FSTL4: variants seen among roughly 807,000 people sequenced by gnomAD.
The protein encoded by FSTL4 is follistatin-related protein 4.
A neutral mutation model predicts 78.2 loss-of-function variants in FSTL4; 28 were observed. The ratio of observed to expected loss-of-function variants is 0.36; its 90% confidence interval spans 0.27 to 0.49. The LOEUF (loss-of-function observed/expected upper bound fraction) is 0.49, where lower values mean the gene tolerates loss of function less well. Ranked by LOEUF, FSTL4 falls within the 20% of genes least tolerant of loss-of-function variation. The pLI is 0.98. For synonymous variants in FSTL4, 422 were observed against 440.5 expected (o/e 0.96, Z 0.53); for missense variants, 922 against 1,084.9 (o/e 0.85, Z 2.11).
Position 133,338,117 on chromosome 5 carries a change from C to T in FSTL4, c.410-21465G>A, listed in dbSNP as rs1754503854. Among the ~76,000 whole-genome samples, 1 of 152,124 alleles carries T rather than the reference C, an allele frequency of 6.6e-6. No individual in the cohort carries two copies. Among genetic ancestry groups the T allele is most frequent in the African/African-American group, 2.4e-5 (1 of 41,414 alleles). On this transcript the variant is annotated intron_variant, in intron 4 of 15. Coordinates refer to ENST00000265342, the MANE Select transcript of FSTL4 (RefSeq NM_015082.2). This position sits in a 1 kb window ranked among gnomAD's most constrained non-coding sequence, Gnocchi z 4.0. ...GGTCCCTGGTGTGCACATAGGTCTC[C>T]CAGGTCACCCATGGGGAGATGTCTG...
the FSTL4 span, among the ~76,000 whole-genome samples, chr5:133,799,696 C>T: frequency 3.6e-5 from 5 of 139,308 alleles, 1 homozygote; most frequent in African/African-American, 1.3e-4. Flanking sequence ...CTCTCCCAGG[C>T]TGCAGCTGGT....
the FSTL4 span, among the ~76,000 whole-genome samples, chr5:133,706,406 T>G: frequency 1.3e-5 from 2 of 152,210 alleles, no homozygotes; most frequent in Non-Finnish European, 2.9e-5. Flanking sequence ...TTCTGGTTCA[T>G]TAAACATCTT....
the FSTL4 span, among the ~76,000 whole-genome samples, chr5:133,710,955 A>T: frequency 6.6e-6 from 1 of 152,246 alleles, no homozygotes; most frequent in Non-Finnish European, 1.5e-5. Context: ...AAATATATGC[A>T]CAAATGAGCA....
At chr5:133,285,215 G>A (rs917778457) in intron 6 of FSTL4, among the ~76,000 whole-genome samples, 2 of 152,202 alleles carry the variant, frequency 1.3e-5, no homozygotes, top group African/African-American at 4.8e-5. Flanking sequence ...CTGTTTGAAA[G>A]AAGAGAGAGA....
intron 4 of FSTL4, among the ~76,000 whole-genome samples, chr5:133,392,426 G>C (rs918916226): frequency 2.0e-5 from 3 of 152,220 alleles, no homozygotes; most frequent in Admixed American, 6.5e-5. Flanking sequence ...GGGTTGCAGA[G>C]AGGATGACAG....
intron 13 of FSTL4, among the ~76,000 whole-genome samples, chr5:133,214,786 G>A (rs959165577): frequency 6.6e-6 from 1 of 152,192 alleles, no homozygotes; most frequent in African/African-American, 2.4e-5. Flanking sequence ...CCTGCCTAGA[G>A]TCAATGCAGG....
At chr5:133,351,338 T>C (rs1373316414) in intron 4 of FSTL4, among the ~76,000 whole-genome samples, 1 of 152,210 alleles carries the variant, frequency 6.6e-6, no homozygotes, top group Non-Finnish European at 1.5e-5. Flanking sequence ...GCCTGGAACT[T>C]ATTATACTTT....
At chr5:133,514,855 C>CA (rs1310737067) in intron 3 of FSTL4, among the ~76,000 whole-genome samples, 1 of 152,176 alleles carries the variant, frequency 6.6e-6, no homozygotes, top group African/African-American at 2.4e-5. Context: ...CCAATGTCTA[C>CA]ATAGTTGTAA....
intron 10 of FSTL4, among the ~76,000 whole-genome samples, chr5:133,224,898 G>A (rs1751275822): frequency 6.6e-6 from 1 of 151,654 alleles, no homozygotes; most frequent in Admixed American, 6.5e-5. Context: ...GGGTTTCCTT[G>A]TGTTCCTGGG....
At chr5:133,483,588 T>C (rs1051998632) in intron 3 of FSTL4, among the ~76,000 whole-genome samples, 1 of 152,202 alleles carries the variant, frequency 6.6e-6, no homozygotes, top group African/African-American at 2.4e-5. Flanking sequence ...GGCTTCAGAG[T>C]TGCCTCATTA....
intron 3 of FSTL4, among the ~76,000 whole-genome samples, chr5:133,484,155 GTCC>G (rs556185803): frequency 2.6e-4 from 39 of 152,298 alleles, no homozygotes; most frequent in African/African-American, 8.4e-4. Context: ...ATTGGGCAAT[GTCC>G]TCCTCTCCCA....
At chr5:133,612,719 G>A (rs1761128778), upstream of FSTL4, among the ~76,000 whole-genome samples, 1 of 152,030 alleles carries the variant, frequency 6.6e-6, no homozygotes, top group South Asian at 2.1e-4. The surrounding 1 kb of genome is among the most constrained non-coding windows in gnomAD (Gnocchi z 6.2). Flanking sequence ...GGGCCATCTA[G>A]GGCCCGGAGG....
At chr5:133,828,344 T>C in the FSTL4 span, among the ~76,000 whole-genome samples, 7 of 152,226 alleles carry the variant, frequency 4.6e-5, no homozygotes, top group African/African-American at 1.7e-4. Flanking sequence ...GTTTGCGCAC[T>C]AAAGTGTTCA....
chr5:133,633,347 T>G, the FSTL4 span, among the ~76,000 whole-genome samples: 1 of 152,210 alleles, frequency 6.6e-6, no homozygotes. Flanking sequence ...TTGGGCAATA[T>G]ATTGTTCTAT....
chr5:133,205,667 C>CTT (rs1210566319), intron 14 of FSTL4, among the ~76,000 whole-genome samples: 1 of 152,086 alleles, frequency 6.6e-6, no homozygotes, highest in Non-Finnish European at 1.5e-5. Context: ...CCAAACAAAA[C>CTT]TTTATATTCT....
intron 4 of FSTL4, among the ~76,000 whole-genome samples, chr5:133,397,155 G>A (rs1191016554): frequency 6.6e-6 from 1 of 152,190 alleles, no homozygotes; most frequent in African/African-American, 2.4e-5. Context: ...TCAAAACCAA[G>A]AAAAATGAGT....
the FSTL4 span, among the ~76,000 whole-genome samples, chr5:133,770,770 T>C: frequency 3.4e-3 from 520 of 152,190 alleles, 5 homozygotes; most frequent in East Asian, 7.3e-3. Flanking sequence ...TTGTTTTGTT[T>C]GTTTGAGGAC....
chr5:133,685,630 C>T, the FSTL4 span, among the ~76,000 whole-genome samples: 1 of 152,246 alleles, frequency 6.6e-6, no homozygotes, highest in South Asian at 2.1e-4. Flanking sequence ...CAGGAGGGAA[C>T]TGCCTCACCC....
At chr5:133,625,194 T>C in the FSTL4 span, among the ~76,000 whole-genome samples, 1 of 151,586 alleles carries the variant, frequency 6.6e-6, no homozygotes, top group Admixed American at 6.6e-5. Context: ...AAGTGTAGAA[T>C]TGGTGTTAGG....
Sources: allele counts gnomAD v4.1 joint callset (sites outside exome capture counted in the v4.1 genomes callset), GRCh38; gene constraint gnomAD v4.1.1; non-coding constraint Gnocchi (gnomAD v3.1); transcripts MANE v1.5; gene names NCBI Gene and HGNC (gene_info 2026-07-23, HGNC 2026-07-21).